Variants in COL3A1 observed in about 807,000 individuals in gnomAD.
The protein encoded by COL3A1 is collagen type III alpha 1 chain, also known as collagen alpha-1(III) chain.
In COL3A1, 46 loss-of-function variants were observed where a neutral mutation model predicts 200.9. The observed-to-expected ratio is 0.23, with a 90% CI of 0.18 to 0.29. The LOEUF (loss-of-function observed/expected upper bound fraction) is 0.29. COL3A1 is among the 10% of genes least tolerant of loss of function. The probability of loss-of-function intolerance (pLI) is 1.00; values close to 1 mark genes in which losing one functional copy is unlikely to be tolerated. For synonymous variants in COL3A1, 650 were observed against 628.0 expected (o/e 1.03, Z -0.52); for missense variants, 1,367 against 1,917.6 (o/e 0.71, Z 5.36).
chr2:188,999,635 A>T (rs574745089), intron 31 of COL3A1, 58 bp downstream of exon 31: 1 of 1,564,372 alleles, frequency 6.4e-7, no homozygotes, highest in South Asian at 1.1e-5. Context: ...GTTTTAAAAA[A>T]AGCAACACTC....
intron 47 of COL3A1, 75 bp downstream of exon 47, chr2:189,008,217 T>TTTAAATTGAAATAGAGAGACTGC (rs1421355836): frequency 1.5e-6 from 2 of 1,299,628 alleles, no homozygotes; most frequent in Non-Finnish European, 2.2e-6. Flanking sequence ...GCGCATTATG[T>TTTAAATTGAAATAGAGAGACTGC]TTAAATTGAA....
intron 2 of COL3A1, 97 bp downstream of exon 2, chr2:188,985,059 T>C: frequency 7.1e-7 from 1 of 1,404,034 alleles, no homozygotes; most frequent in Non-Finnish European, 1.0e-6. Context: ...GAAAGTCATG[T>C]TCATCAAATA....
intron 49 of COL3A1, 47 bp downstream of exon 49, chr2:189,010,412 T>G (rs770880522): frequency 6.2e-7 from 1 of 1,600,312 alleles, no homozygotes. Context: ...TCTATATCCT[T>G]TGTATTCTTC....
At chr2:188,980,956 C>T (rs1050911226) in intron 1 of COL3A1, among the ~76,000 whole-genome samples, 1 of 150,970 alleles carries the variant, frequency 6.6e-6, no homozygotes. Context: ...CATCTTTTCC[C>T]AGATAAGGAT....
At chr2:188,980,750 C>T (rs907870458) in intron 1 of COL3A1, among the ~76,000 whole-genome samples, 1 of 150,748 alleles carries the variant, frequency 6.6e-6, no homozygotes, top group African/African-American at 2.4e-5. Context: ...ACATAAGCAG[C>T]AGAAAAAATA....
chr2:189,006,990 T>G lies in COL3A1; in HGVS notation c.3255T>G (p.Pro1085=). The G allele has an allele frequency of 6.2e-7, 1 of 1,611,962 alleles. No individual in the cohort carries two copies. The highest frequency in any genetic ancestry group is 2.2e-5 in the East Asian group (1 of 44,778). The stretch of plus-strand genomic sequence containing the variant: ...GTCCTGCTGGTTCCCGAGGTGCTCC[T>G]GTAAGTTTTGTCATTTTTTGGTTTT... ...APGPAGSRGA[P]GPQGPRGDKG... Residue 1085 remains proline (P), a splice_region_variant and synonymous_variant, in exon 44 of 51, where the codon CCT becomes CCG. Coordinates refer to ENST00000304636, the MANE Select transcript of COL3A1 (RefSeq NM_000090.4).
chr2:188,990,599 C>A (rs1395352069), intron 10 of COL3A1, among the ~76,000 whole-genome samples: 1 of 152,118 alleles, frequency 6.6e-6, no homozygotes, highest in East Asian at 1.9e-4. Context: ...CTACCACTAT[C>A]AGAAAAATAA....
intron 1 of COL3A1, chr2:188,978,279 CT>C (rs1687868662): frequency 5.7e-6 from 1 of 174,418 alleles, no homozygotes. Context: ...CTCTTAACTA[CT>C]TCAGATTCCT....
intron 35 of COL3A1, 42 bp downstream of exon 35, chr2:189,002,393 A>T (rs1276107256): frequency 6.4e-7 from 1 of 1,572,986 alleles, no homozygotes; most frequent in Non-Finnish European, 8.8e-7. Flanking sequence ...ATAGCCCAGG[A>T]TCTCTATCTT....
Position 189,004,010 on chromosome 2 carries a change from G to C in COL3A1, c.2690G>C (p.Gly897Ala). 6.2e-7 allele frequency: 1 copy of C among 1,612,670 alleles called. No homozygotes were observed. Among genetic ancestry groups the C allele is most frequent in the Non-Finnish European group, 8.5e-7 (1 of 1,179,760 alleles). ...NGNPGPPGPS[G>A]SPGKDGPPGP... is the part of the protein sequence containing the mutation. ...AACCCAGGACCCCCAGGTCCCAGCG[G>C]TTCTCCAGGCAAGGATGGGCCCCCA... Residue 897 changes from glycine to alanine, a missense_variant, in exon 39 of 51, where the codon GGT (glycine) becomes GCT (alanine). Gly to Ala is a moderately conservative substitution (Grantham distance 60). Transcript: ENST00000304636.
intron 31 of COL3A1, 81 bp from the exon 32 acceptor site, chr2:188,999,761 A>G: frequency 1.4e-6 from 2 of 1,477,258 alleles, no homozygotes; most frequent in Non-Finnish European, 1.9e-6. Context: ...TATCCCTACA[A>G]ATCCTGAGAG....
chr2:189,008,016 T>C lies in COL3A1; in HGVS notation c.3418-19T>C, dbSNP rs779280663. On this transcript the variant is annotated intron_variant, in intron 46 of 50. Transcript: ENST00000304636. Reference sequence around the variant, plus strand: ...TCAGAAAGATATTCTGGCATTGTGATGTCATGATACTTTCTTAGGGACCTG... The same window carrying C: ...TCAGAAAGATATTCTGGCATTGTGACGTCATGATACTTTCTTAGGGACCTG... The C allele has an allele frequency of 9.9e-6, 16 of 1,613,918 alleles. No individual in the cohort carries two copies. Among genetic ancestry groups the C allele is most frequent in the African/African-American group, 2.7e-5 (2 of 74,918 alleles).
intron 41 of COL3A1, 86 bp from the exon 42 acceptor site, chr2:189,006,120 T>G: frequency 7.1e-7 from 1 of 1,404,624 alleles, no homozygotes; most frequent in Non-Finnish European, 1.0e-6. Context: ...CCCTTGAGAA[T>G]TATATTGCCC....
At position 188,994,708 on chromosome 2, in the gene COL3A1, C is replaced by CTTT; in HGVS notation, c.1348-6_1348-4dup. On this transcript the variant is annotated splice_polypyrimidine_tract_variant and intron_variant, in intron 19 of 50. Coordinates refer to ENST00000304636, the MANE Select transcript of COL3A1 (RefSeq NM_000090.4). This position sits in a 1 kb window ranked among gnomAD's most constrained non-coding sequence, Gnocchi z 4.5. ...AGTCATAATTTCTTTATTTTACCAT[C>CTTT]TTTTTTTTTTTTCAGGGTGAGGCTG... The CTTT allele has an allele frequency of 2.2e-6, 3 of 1,352,602 alleles. No homozygotes were observed. Among genetic ancestry groups the CTTT allele is most frequent in the African/African-American group, 1.5e-5 (1 of 67,280 alleles). 83.8% of individuals were successfully genotyped at this position (1,352,602 alleles called of 1,614,324 possible). A position where few individuals can be genotyped will look rare whatever the true frequency, so the allele number is the denominator to read the frequency against.
rs144865512 is a variant in COL3A1, at chr2:188,976,791, A to G, written c.79+2223A>G. On this transcript the variant is annotated intron_variant, in intron 1 of 50. Transcript: ENST00000304636. Reference sequence around the variant, plus strand: ...TTCATGTGTTTTAATCCACCAATGGAGAAACATAGTCTGTTTTATATTTCC... The same window carrying G: ...TTCATGTGTTTTAATCCACCAATGGGGAAACATAGTCTGTTTTATATTTCC... Among the ~76,000 whole-genome samples the G allele has an allele frequency of 2.0e-5, 3 of 152,342 alleles. No homozygotes were observed. In the East Asian group the frequency reaches 5.8e-4, roughly 29 times the overall value.
In COL3A1 at chr2:189,012,463, A is replaced by G. The variant is rs948894835; in HGVS notation, c.*689A>G. On this transcript the variant is annotated 3_prime_UTR_variant, in exon 51 of 51. Coordinates refer to ENST00000304636, the MANE Select transcript of COL3A1 (RefSeq NM_000090.4). ...CTTTAAAGACGCATGTTATGGTGCT[A>G]ATGTACTTTCACTTTTAAACTCTAG... 1.3e-5 allele frequency: 2 copies of G among 152,660 alleles called. No individual in the cohort carries two copies. The highest frequency in any genetic ancestry group is 4.8e-5 in the African/African-American group (2 of 41,440). The allele number at this position is 152,660 out of a possible 1,614,324, so 9.5% of individuals were successfully genotyped here.
chr2:188,983,204 C>G (rs1687990911), intron 1 of COL3A1, among the ~76,000 whole-genome samples: 1 of 151,834 alleles, frequency 6.6e-6, no homozygotes, highest in Non-Finnish European at 1.5e-5. Context: ...AATAAATTTT[C>G]TAAATAAACA....
rs1405440757 is a variant in COL3A1 at position 188,987,042 on chromosome 2, T to C, written c.448-17T>C. 1 of 1,601,540 alleles carries C rather than the reference T, an allele frequency of 6.2e-7. No homozygotes were observed. Among genetic ancestry groups the C allele is most frequent in the Admixed American group, 1.7e-5 (1 of 59,868 alleles). ...TGTCTGTTAAAATGATCATATCTAT[T>C]TGTCTCCTTGCCACAGAACTATTCT... is the stretch of plus-strand genomic sequence containing the variant. On this transcript the variant is annotated splice_polypyrimidine_tract_variant and intron_variant, in intron 4 of 50. Coordinates refer to ENST00000304636, the MANE Select transcript of COL3A1 (RefSeq NM_000090.4).
In COL3A1 at chr2:189,001,560, C is replaced by T. The variant is rs749803388; in HGVS notation, c.2362C>T (p.Pro788Ser). 1 of 1,614,054 alleles carries T rather than the reference C, an allele frequency of 6.2e-7. No individual in the cohort carries two copies. The highest frequency in any genetic ancestry group is 1.3e-5 in the African/African-American group (1 of 75,000). Residue 788 changes from proline to serine, a missense_variant, in exon 34 of 51, where the codon CCA (proline) becomes TCA (serine). By Grantham distance (74) the Pro-to-Ser change is moderately conservative. Transcript: ENST00000304636. The part of the protein sequence containing the change: ...DKGEGGAPGL[P>S]GIAGPRGSPG... ...GGGTGAAGGTGGTGCCCCCGGACTT[C>T]CAGGTATAGCTGGACCTCGTGGTAG...
Sources: gnomAD v4.1 joint callset for allele counts (sites outside exome capture counted in the v4.1 genomes callset) on GRCh38, gnomAD v4.1.1 for gene constraint, Gnocchi (gnomAD v3.1) non-coding constraint, MANE v1.5 for transcripts, NCBI Gene and HGNC (gene_info 2026-07-23, HGNC 2026-07-21) for gene names.